GMPR: variants seen among roughly 807,000 people sequenced by gnomAD.
GMPR encodes GMP reductase 1.
Under a neutral mutation model 38.4 loss-of-function variants are expected in GMPR, and 31 were observed. That is an observed-to-expected ratio of 0.81 (90% CI 0.61 to 1.09). The LOEUF is 1.09. Ranked by LOEUF, GMPR falls within the 50% of genes least tolerant of loss-of-function variation. The probability of loss-of-function intolerance (pLI) is 0.00; values close to 1 mark genes in which losing one functional copy is unlikely to be tolerated. For missense variants in GMPR, 468 were observed against 453.7 expected (o/e 1.03, Z -0.29); for synonymous variants, 162 against 173.3 (o/e 0.93, Z 0.51).
chr6:16,283,885 TAA>T lies in GMPR; in HGVS notation c.655-1906_655-1905del, dbSNP rs972381285. 2.9e-4 allele frequency among the ~76,000 whole-genome samples: 44 copies of T among 151,898 alleles called. 1 individual carries two copies. Among genetic ancestry groups the T allele is most frequent in the African/African-American group, 9.9e-4 (41 of 41,358 alleles). ...AAACACTGTGTAGAGCTGGTTTTGA[TAA>T]AGAGATAAAGCACTTTAAAATTAAT... On this transcript the variant is annotated intron_variant, in intron 6 of 8. Transcript: ENST00000259727.
At chr6:16,242,137 T>G (rs995574873) in intron 1 of GMPR, among the ~76,000 whole-genome samples, 1 of 152,212 alleles carries the variant, frequency 6.6e-6, no homozygotes, top group African/African-American at 2.4e-5. Flanking sequence ...TCATTTTGTT[T>G]AAGGACAGAG....
chr6:16,247,862 A>G (rs557841806), intron 2 of GMPR, among the ~76,000 whole-genome samples: 42 of 152,272 alleles, frequency 2.8e-4, no homozygotes, highest in African/African-American at 1.0e-3. Context: ...ACTTAAATGG[A>G]TGATCACATT....
At chr6:16,267,982 T>G (rs1176879863) in intron 4 of GMPR, among the ~76,000 whole-genome samples, 1 of 152,216 alleles carries the variant, frequency 6.6e-6, no homozygotes, top group Non-Finnish European at 1.5e-5. Flanking sequence ...CACAGATGTT[T>G]CCGCTGTACG....
intron 1 of GMPR, among the ~76,000 whole-genome samples, chr6:16,246,085 A>G (rs1758749916): frequency 6.6e-6 from 1 of 152,210 alleles, no homozygotes; most frequent in Non-Finnish European, 1.5e-5. Flanking sequence ...ACAGGCTGGC[A>G]TCTGCCGTGG....
chr6:16,238,785 G>T lies in GMPR; in HGVS notation c.87+5G>T. The T allele has an allele frequency of 6.9e-7, 1 of 1,442,854 alleles. No homozygotes were observed. 89.4% of individuals were successfully genotyped at this position (1,442,854 alleles called of 1,614,324 possible). On this transcript the variant is annotated splice_donor_5th_base_variant and intron_variant, in intron 1 of 8. Transcript: ENST00000259727. ...AGCCTCAAGAGCCGAGCCGAGGTGG[G>T]GGACGTTCGGAAGTCGCAGTGGGGT...
In GMPR at chr6:16,290,684, A is replaced by G. The variant is rs1307799046; in HGVS notation, c.857+63A>G. ...GCCTTGCTTTTCTTACGGAGATGGGATGGAAGCAGGTCTGAATAGCAGCTC... is the reference window on the plus strand; with the variant it reads ...GCCTTGCTTTTCTTACGGAGATGGGGTGGAAGCAGGTCTGAATAGCAGCTC... On this transcript the variant is annotated intron_variant, in intron 8 of 8. Transcript: ENST00000259727. 21 of 1,449,794 alleles carry G rather than the reference A, an allele frequency of 1.4e-5. No individual in the cohort carries two copies. The East Asian group carries it at 4.8e-4, about 33-fold the overall frequency. 89.8% of individuals were successfully genotyped at this position (1,449,794 alleles called of 1,614,324 possible). A position where few individuals can be genotyped will look rare whatever the true frequency, so the allele number is the denominator to read the frequency against.
chr6:16,262,744 G>A (rs1289015678), intron 4 of GMPR: 1 of 152,016 alleles, frequency 6.6e-6, no homozygotes, highest in African/African-American at 2.4e-5. Context: ...AGGGTCTAGG[G>A]CTGTAAAGCG....
At chr6:16,285,898 C>A in intron 7 of GMPR, 63 bp downstream of exon 7, 1 of 1,352,544 alleles carries the variant, frequency 7.4e-7, no homozygotes, top group Non-Finnish European at 1.0e-6. Context: ...CTACACCTCT[C>A]CAGCTGGCAA....
At chr6:16,256,321 C>G (rs2113676200) in intron 4 of GMPR, among the ~76,000 whole-genome samples, 1 of 147,868 alleles carries the variant, frequency 6.8e-6, no homozygotes, top group African/African-American at 2.5e-5. Context: ...CAAGACCAGC[C>G]TGGCCAAGAT....
intron 7 of GMPR, among the ~76,000 whole-genome samples, chr6:16,287,847 C>A (rs1057381106): frequency 1.3e-5 from 2 of 152,212 alleles, no homozygotes; most frequent in South Asian, 4.1e-4. Context: ...GCTCGCCTTT[C>A]TGTCATGCTG....
intron 1 of GMPR, among the ~76,000 whole-genome samples, chr6:16,239,389 TGA>T (rs980074366): frequency 1.3e-5 from 2 of 151,536 alleles, no homozygotes; most frequent in African/African-American, 4.9e-5. Context: ...AGCTTTGGGG[TGA>T]GAGAGGTGGG....
chr6:16,250,351 A>G lies in GMPR; in HGVS notation c.275A>G (p.His92Arg), dbSNP rs1189759237. 6.2e-7 allele frequency: 1 copy of G among 1,601,972 alleles called. No homozygotes were observed. Among genetic ancestry groups the G allele is most frequent in the East Asian group, 2.2e-5 (1 of 44,828 alleles). ...LDDWKLFATNHPECLQNVAVS... is the reference protein window; with the variant it reads ...LDDWKLFATNRPECLQNVAVS... ...GACTGGAAGCTCTTTGCCACAAATCACCCAGAATGCCTGCAGGTACGACTA... is the reference window on the plus strand; with the variant it reads ...GACTGGAAGCTCTTTGCCACAAATCGCCCAGAATGCCTGCAGGTACGACTA... Residue 92 changes from histidine (H) to arginine (R), a missense_variant, in exon 3 of 9, where the codon CAC becomes CGC. Transcript: ENST00000259727.
intron 3 of GMPR, among the ~76,000 whole-genome samples, chr6:16,250,784 G>A (rs949806222): frequency 3.9e-5 from 6 of 152,104 alleles, no homozygotes; most frequent in African/African-American, 1.4e-4. Context: ...GGTCATGCCT[G>A]TAATCCCAGC....
chr6:16,267,272 T>G (rs1759270824), intron 4 of GMPR, among the ~76,000 whole-genome samples: 1 of 152,046 alleles, frequency 6.6e-6, no homozygotes, highest in African/African-American at 2.4e-5. Flanking sequence ...CTCGGGAGGC[T>G]GAGGCAGGAG....
At chr6:16,284,884 G>C (rs1382247274) in intron 6 of GMPR, among the ~76,000 whole-genome samples, 1 of 151,980 alleles carries the variant, frequency 6.6e-6, no homozygotes, top group African/African-American at 2.4e-5. Flanking sequence ...GCTGGGCTTG[G>C]TGGTGGGCAC....
At chr6:16,266,863 A>C (rs1163220588) in intron 4 of GMPR, among the ~76,000 whole-genome samples, 1 of 151,674 alleles carries the variant, frequency 6.6e-6, no homozygotes, top group Non-Finnish European at 1.5e-5. Context: ...AGTCAGCGAG[A>C]CCACGAACCG....
intron 2 of GMPR, among the ~76,000 whole-genome samples, chr6:16,247,888 CTT>C (rs897307390): frequency 7.2e-5 from 11 of 152,110 alleles, no homozygotes; most frequent in Admixed American, 7.2e-4. Flanking sequence ...CTCAAAGTCT[CTT>C]TTAGCCAAGT....
chr6:16,284,391 C>T (rs542694906), intron 6 of GMPR, among the ~76,000 whole-genome samples: 115 of 152,336 alleles, frequency 7.5e-4, no homozygotes, highest in African/African-American at 2.7e-3. Context: ...GAGGTGTGTG[C>T]ACTTTCCTGC....
chr6:16,240,465 T>A (rs954210640), intron 1 of GMPR, among the ~76,000 whole-genome samples: 11 of 152,130 alleles, frequency 7.2e-5, no homozygotes, highest in African/African-American at 2.7e-4. Flanking sequence ...GCCCACGAGC[T>A]GGAGATTACA....
Sources: allele counts gnomAD v4.1 joint callset (sites outside exome capture counted in the v4.1 genomes callset), GRCh38; gene constraint gnomAD v4.1.1; transcripts MANE v1.5; gene names NCBI Gene and HGNC (gene_info 2026-07-23, HGNC 2026-07-21).